The following KAZN variants were observed in gnomAD, a reference collection of about 807,000 sequenced individuals.
The protein encoded by KAZN is kazrin, periplakin interacting protein, also known as kazrin.
Under a neutral mutation model 87.4 loss-of-function variants are expected in KAZN, and 40 were observed. The ratio of observed to expected loss-of-function variants is 0.46; its 90% CI spans 0.36 to 0.60. The LOEUF (loss-of-function observed/expected upper bound fraction) is 0.60, where lower values mean the gene tolerates loss of function less well. Among genes scored for constraint, KAZN ranks in the 20% least tolerant of loss-of-function variants. KAZN has a pLI of 0.00. For synonymous variants in KAZN, 466 were observed against 458.3 expected (o/e 1.02, Z -0.22); for missense variants, 898 against 1,073.9 (o/e 0.84, Z 2.29).
intron 10 of KAZN, among the ~76,000 whole-genome samples, chr1:15,098,507 C>A (rs1286089257): frequency 6.6e-6 from 1 of 152,264 alleles, no homozygotes; most frequent in Non-Finnish European, 1.5e-5. Flanking sequence ...TCCACCCCAA[C>A]TCTTGTTGCA....
rs546818007 is a variant in KAZN, at chr1:15,001,294, T to C, written c.419-33455T>C. The stretch of plus-strand genomic sequence containing the variant: ...CTGGCCAACAGGGCGAAACCCCATC[T>C]CTACTAAAAATACAAAAAAAAAAAA... On this transcript the variant is annotated intron_variant, in intron 2 of 14. Coordinates refer to ENST00000376030, the MANE Select transcript of KAZN (RefSeq NM_201628.3). Among the ~76,000 whole-genome samples the C allele has an allele frequency of 3.5e-5, 5 of 143,882 alleles. No homozygotes were observed. The East Asian group carries it at 8.5e-4, about 24-fold the overall frequency. 94.4% of individuals were successfully genotyped at this position (143,882 alleles called of 152,430 possible).
At chr1:14,919,391 GGTCTCGAACGCCT>G (rs1300520387) in intron 1 of KAZN, among the ~76,000 whole-genome samples, 8 of 152,340 alleles carry the variant, frequency 5.3e-5, no homozygotes, top group African/African-American at 1.9e-4. Flanking sequence ...TGGCCAGGCT[GGTCTCGAACGCCT>G]GACCTCAGGC....
chr1:14,263,254 A>G (rs1301570051), intron 2 of KAZN, among the ~76,000 whole-genome samples: 1 of 152,208 alleles, frequency 6.6e-6, no homozygotes, highest in African/African-American at 2.4e-5. Context: ...CAGAGAAGAT[A>G]AACTGATGTA....
At chr1:14,308,075 T>C (rs571999505) in intron 2 of KAZN, among the ~76,000 whole-genome samples, 1 of 152,192 alleles carries the variant, frequency 6.6e-6, no homozygotes, top group Admixed American at 6.5e-5. Flanking sequence ...TTAAAAATTA[T>C]CAAGTTCAGG....
chr1:15,026,770 C>G (rs1369814366), intron 2 of KAZN, among the ~76,000 whole-genome samples: 1 of 151,646 alleles, frequency 6.6e-6, no homozygotes, highest in African/African-American at 2.4e-5. Flanking sequence ...ATGCACAAGA[C>G]ATATTTCTTA....
chr1:13,945,710 T>TGAGAGAGAGA (rs200937986), intron 1 of KAZN, among the ~76,000 whole-genome samples: 3 of 137,270 alleles, frequency 2.2e-5, no homozygotes, highest in East Asian at 4.6e-4. Flanking sequence ...TGTGTGTGTG[T>TGAGAGAGAGA]GAGAGAGAGA....
chr1:15,063,361 C>T, intron 6 of KAZN: 1 of 589,710 alleles, frequency 1.7e-6, no homozygotes. Flanking sequence ...GAGAGGACCC[C>T]AGGAACTCTA....
At chr1:14,334,655 G>A (rs546658078) in intron 2 of KAZN, among the ~76,000 whole-genome samples, 1 of 152,348 alleles carries the variant, frequency 6.6e-6, no homozygotes, top group Admixed American at 6.5e-5. Flanking sequence ...GCCATGTGAT[G>A]AGGTTGCAAC....
chr1:14,757,415 G>T (rs1186378389), intron 1 of KAZN, among the ~76,000 whole-genome samples: 1 of 152,160 alleles, frequency 6.6e-6, no homozygotes, highest in Non-Finnish European at 1.5e-5. Context: ...ACAATCTAAG[G>T]ACTGGGTTGG....
chr1:14,134,938 G>A (rs1319558990), intron 1 of KAZN, among the ~76,000 whole-genome samples: 1 of 150,836 alleles, frequency 6.6e-6, no homozygotes, highest in Non-Finnish European at 1.5e-5. Context: ...GGAGTGTACT[G>A]CCTCTCACAA....
At chr1:14,901,794 C>T (rs879927380) in intron 1 of KAZN, among the ~76,000 whole-genome samples, 3 of 152,190 alleles carry the variant, frequency 2.0e-5, no homozygotes, top group African/African-American at 7.2e-5. Context: ...TCTCTGCCCC[C>T]ACAGCTGCCT....
At chr1:14,139,156 TG>T (rs2101759306) in intron 1 of KAZN, among the ~76,000 whole-genome samples, 1 of 152,300 alleles carries the variant, frequency 6.6e-6, no homozygotes, top group East Asian at 1.9e-4. Context: ...CCCACTGAGT[TG>T]TCCCACGCTA....
chr1:14,903,139 G>C (rs1434215344), intron 1 of KAZN, among the ~76,000 whole-genome samples: 1 of 152,120 alleles, frequency 6.6e-6, no homozygotes, highest in Non-Finnish European at 1.5e-5. Context: ...ACAGTGCTGG[G>C]ATTACAGGTG....
At chr1:14,230,233 A>G (rs1647685928) in intron 2 of KAZN, among the ~76,000 whole-genome samples, 1 of 152,274 alleles carries the variant, frequency 6.6e-6, no homozygotes, top group African/African-American at 2.4e-5. Context: ...GAACATAATC[A>G]GAGTTTGGTC....
chr1:14,396,168 C>CA (rs764796102), intron 2 of KAZN, among the ~76,000 whole-genome samples: 15,481 of 120,804 alleles, frequency 0.13, 2,433 homozygotes, highest in African/African-American at 0.38. Flanking sequence ...GACTCCGTCT[C>CA]AAAAAAAAAA....
At chr1:14,573,241 T>C (rs1404787685) in intron 2 of KAZN, among the ~76,000 whole-genome samples, 1 of 152,220 alleles carries the variant, frequency 6.6e-6, no homozygotes, top group African/African-American at 2.4e-5. Context: ...TTCCCAATAA[T>C]GCATAGCGCA....
rs1298080834 is a variant in KAZN at position 15,094,108 on chromosome 1, G to A, written c.1223-72G>A. 1.4e-6 allele frequency: 2 copies of A among 1,404,770 alleles called. No individual in the cohort carries two copies. Among genetic ancestry groups the A allele is most frequent in the Non-Finnish European group, 2.0e-6 (2 of 1,014,422 alleles). The allele number at this position is 1,404,770 out of a possible 1,614,324, so 87.0% of individuals were successfully genotyped here. On this transcript the variant is annotated intron_variant, in intron 8 of 14. Coordinates refer to ENST00000376030, the MANE Select transcript of KAZN (RefSeq NM_201628.3). This position sits in a 1 kb window ranked among gnomAD's most constrained non-coding sequence, Gnocchi z 4.5. ...TGTCCCCACCACCCTCTGCCTCCCG[G>A]GGGTATGGCCTGCCCAGCCCCTGCC... is the stretch of plus-strand genomic sequence containing the variant.
chr1:14,935,285 G>A lies in KAZN; in HGVS notation c.227-25399G>A, dbSNP rs376797129. Among the ~76,000 whole-genome samples, 23 of 152,232 alleles carry A rather than the reference G, an allele frequency of 1.5e-4. No individual in the cohort carries two copies. In the East Asian group the frequency reaches 3.9e-3, roughly 26 times the overall value. On this transcript the variant is annotated intron_variant, in intron 1 of 14. Coordinates refer to ENST00000376030, the MANE Select transcript of KAZN (RefSeq NM_201628.3). ...GACAGAGTTTCACTCTTGTTGACAA[G>A]GCTGGAGTGCGGTGGCGCAATCTTG... is the stretch of plus-strand genomic sequence containing the variant.
At chr1:14,242,206 A>T (rs2100580238) in intron 2 of KAZN, among the ~76,000 whole-genome samples, 1 of 152,338 alleles carries the variant, frequency 6.6e-6, no homozygotes, top group East Asian at 1.9e-4. Context: ...TGAAGACTGT[A>T]AACTGTCTAA....
Sources: gnomAD v4.1 joint callset for allele counts (sites outside exome capture counted in the v4.1 genomes callset) on GRCh38, gnomAD v4.1.1 for gene constraint, Gnocchi (gnomAD v3.1) non-coding constraint, MANE v1.5 for transcripts, NCBI Gene and HGNC (gene_info 2026-07-23, HGNC 2026-07-21) for gene names.